The following FAM227A variants were observed in gnomAD, a reference collection of about 807,000 sequenced individuals.
The protein encoded by FAM227A is protein FAM227A.
In FAM227A, 80 loss-of-function variants were observed where a neutral mutation model predicts 74.7. The observed-to-expected ratio is 1.07, with a 90% CI of 0.89 to 1.29. The LOEUF is 1.29. FAM227A is among the 50% of genes most tolerant of loss of function. FAM227A has a pLI of 0.00. For synonymous variants in FAM227A, 237 were observed against 241.8 expected (o/e 0.98, Z 0.19); for missense variants, 654 against 683.4 (o/e 0.96, Z 0.48).
intron 11 of FAM227A, 96 bp from the exon 12 acceptor site, chr22:38,607,572 C>G: frequency 1.2e-6 from 1 of 838,096 alleles, no homozygotes; most frequent in Admixed American, 2.1e-5. Flanking sequence ...GTAATACATG[C>G]AATTTCTTTG....
At chr22:38,588,764 C>CAA (rs34469783) in intron 16 of FAM227A, among the ~76,000 whole-genome samples, 3 of 128,440 alleles carry the variant, frequency 2.3e-5, no homozygotes, top group African/African-American at 8.6e-5. Context: ...ACTAAAAATA[C>CAA]AAAAAAAAAA....
chr22:38,639,084 T>C (rs1007429437), intron 4 of FAM227A, among the ~76,000 whole-genome samples: 1 of 152,006 alleles, frequency 6.6e-6, no homozygotes, highest in Non-Finnish European at 1.5e-5. Flanking sequence ...ATAAAATATA[T>C]TAAATGGTAC....
intron 3 of FAM227A, among the ~76,000 whole-genome samples, chr22:38,639,956 T>C (rs2092079508): frequency 6.6e-6 from 1 of 152,142 alleles, no homozygotes; most frequent in African/African-American, 2.4e-5. Context: ...GAGTATGTGA[T>C]TTAGAGCAGG....
intron 15 of FAM227A, among the ~76,000 whole-genome samples, chr22:38,591,812 C>T (rs1234823179): frequency 6.6e-6 from 1 of 152,170 alleles, no homozygotes; most frequent in Non-Finnish European, 1.5e-5. Flanking sequence ...CAGTCACTAT[C>T]CTACTTCCTT....
chr22:38,647,454 A>C (rs1030914803), intron 2 of FAM227A, among the ~76,000 whole-genome samples: 7 of 152,096 alleles, frequency 4.6e-5, no homozygotes, highest in African/African-American at 1.2e-4. Flanking sequence ...ACAAAAAAAA[A>C]CAAAACAACG....
At position 38,645,563 on chromosome 22, in the gene FAM227A, CAGGCTGTTGGCCG is replaced by C; in HGVS notation, c.212_224del (p.Ser71TrpfsTer13). ...CTCAGCTCCAGCATAGGTAACTCACCAGGCTGTTGGCCGACGGCTCGGTACGCAGATTTATGTC... is the reference window on the plus strand; with the variant it reads ...CTCAGCTCCAGCATAGGTAACTCACCACGGCTCGGTACGCAGATTTATGTC... On this transcript the variant is annotated frameshift_variant and splice_region_variant, in exon 3 of 17. Coordinates refer to ENST00000535113, the MANE Select transcript of FAM227A (RefSeq NM_001013647.2). LOFTEE classifies it high-confidence loss of function. 6.4e-7 allele frequency: 1 copy of C among 1,550,504 alleles called. No homozygotes were observed.
chr22:38,624,472 C>T (rs981847441), intron 9 of FAM227A, among the ~76,000 whole-genome samples: 2 of 152,128 alleles, frequency 1.3e-5, no homozygotes, highest in African/African-American at 2.4e-5. Flanking sequence ...GGCCTGCTTG[C>T]GAGGATGCCT....
In FAM227A at chr22:38,645,657, G is replaced by C. The variant is rs2092222341; in HGVS notation, c.143-12C>G. 13 of 1,537,228 alleles carry C rather than the reference G, an allele frequency of 8.5e-6. No homozygotes were observed. Among genetic ancestry groups the C allele is most frequent in the Non-Finnish European group, 1.1e-5 (13 of 1,134,928 alleles). On this transcript the variant is annotated splice_polypyrimidine_tract_variant and intron_variant, in intron 2 of 16. Transcript: ENST00000535113. ...GCCAATAAGGCATGCTGGGAGGTTAGTCTGCTAAGGAAACTCAGGGTGATG... is the reference window on the plus strand; with the variant it reads ...GCCAATAAGGCATGCTGGGAGGTTACTCTGCTAAGGAAACTCAGGGTGATG...
At chr22:38,626,961 G>T (rs1175365126) in intron 8 of FAM227A, among the ~76,000 whole-genome samples, 1 of 141,244 alleles carries the variant, frequency 7.1e-6, no homozygotes, top group Non-Finnish European at 1.5e-5. Context: ...GCTAGGTGTG[G>T]TGGTGCATGC....
intron 6 of FAM227A, among the ~76,000 whole-genome samples, chr22:38,631,036 T>C (rs2091905759): frequency 1.3e-5 from 2 of 152,140 alleles, no homozygotes; most frequent in Admixed American, 1.3e-4. Context: ...GGTGTGGTGA[T>C]GCGCATCTAT....
chr22:38,633,628 A>G (rs1255306307), intron 6 of FAM227A, among the ~76,000 whole-genome samples: 1 of 151,914 alleles, frequency 6.6e-6, no homozygotes, highest in Admixed American at 6.6e-5. Flanking sequence ...TGCAACCTCC[A>G]CCTCCCGGGT....
chr22:38,647,812 A>T (rs1427955629), intron 2 of FAM227A, among the ~76,000 whole-genome samples: 3 of 152,196 alleles, frequency 2.0e-5, no homozygotes, highest in African/African-American at 7.2e-5. Context: ...GGATACTTGA[A>T]AAAGGAAGAT....
At chr22:38,649,310 A>G (rs1411031738) in intron 2 of FAM227A, among the ~76,000 whole-genome samples, 1 of 152,186 alleles carries the variant, frequency 6.6e-6, no homozygotes, top group Non-Finnish European at 1.5e-5. Context: ...CATGCCTGTA[A>G]TCCCAGCACT....
chr22:38,635,984 T>C (rs1047583580), intron 6 of FAM227A, among the ~76,000 whole-genome samples: 1 of 143,092 alleles, frequency 7.0e-6, no homozygotes, highest in Non-Finnish European at 1.5e-5. Flanking sequence ...AGGGAGACCC[T>C]GTCTCAAAAA....
At chr22:38,609,088 C>T (rs2091354958) in intron 11 of FAM227A, among the ~76,000 whole-genome samples, 1 of 152,148 alleles carries the variant, frequency 6.6e-6, no homozygotes, top group African/African-American at 2.4e-5. Context: ...CCACTGCACC[C>T]AGCCAAGATC....
At chr22:38,600,372 C>T (rs900775354) in intron 13 of FAM227A, among the ~76,000 whole-genome samples, 3 of 151,540 alleles carry the variant, frequency 2.0e-5, no homozygotes, top group Admixed American at 6.6e-5. Flanking sequence ...CTCAATCTAT[C>T]GCCCAGGCTG....
intron 13 of FAM227A, 132 bp from the exon 14 acceptor site, chr22:38,600,053 A>C: frequency 1.2e-6 from 1 of 856,032 alleles, no homozygotes; most frequent in Non-Finnish European, 1.7e-6. Flanking sequence ...CCCTAAGAAA[A>C]TTACTCAAAA....
chr22:38,650,711 A>G (rs1428526403), intron 1 of FAM227A, among the ~76,000 whole-genome samples: 1 of 152,122 alleles, frequency 6.6e-6, no homozygotes, highest in African/African-American at 2.4e-5. Context: ...CCATCTCCTC[A>G]GCGCGAGGCT....
Position 38,585,871 on chromosome 22 carries a change from T to C in FAM227A, c.*254A>G. The C allele has an allele frequency of 7.7e-6, 6 of 783,330 alleles. No homozygotes were observed. Among genetic ancestry groups the C allele is most frequent in the Non-Finnish European group, 1.2e-5 (6 of 513,748 alleles). The allele number at this position is 783,330 out of a possible 1,614,324, so 48.5% of individuals were successfully genotyped here. ...GTATGAGGTCATATTTGTAACATAC[T>C]TACCAGCATGCACGTAATAAAATAC... is the stretch of plus-strand genomic sequence containing the variant. On this transcript the variant is annotated 3_prime_UTR_variant, in exon 17 of 17. Coordinates refer to ENST00000535113, the MANE Select transcript of FAM227A (RefSeq NM_001013647.2).
Sources: allele counts gnomAD v4.1 joint callset (sites outside exome capture counted in the v4.1 genomes callset), GRCh38; gene constraint gnomAD v4.1.1; transcripts MANE v1.5; gene names NCBI Gene and HGNC (gene_info 2026-07-23, HGNC 2026-07-21).